BBS7: variants seen among roughly 807,000 people sequenced by gnomAD.
BBS7 encodes BBSome complex member BBS7.
In BBS7, 50 loss-of-function variants were observed where a neutral mutation model predicts 90.3. That is an observed-to-expected ratio of 0.55 (90% CI 0.44 to 0.70). The LOEUF is 0.70. Ranked by LOEUF, BBS7 falls within the 30% of genes least tolerant of loss-of-function variation. The pLI, the probability that BBS7 is intolerant of heterozygous loss-of-function variation, is 0.00. For missense variants in BBS7, 729 were observed against 838.9 expected, an observed-to-expected ratio of 0.87 and a Z score of 1.62; for synonymous variants, 235 against 287.4, an observed-to-expected ratio of 0.82 and a Z score of 1.85.
At chr4:121,838,862 T>TC (rs1199422654) in intron 13 of BBS7, among the ~76,000 whole-genome samples, 1 of 146,630 alleles carries the variant, frequency 6.8e-6, no homozygotes, top group African/African-American at 2.6e-5. Context: ...GCCACTGCAC[T>TC]CCAGCCTGGG....
intron 8 of BBS7, among the ~76,000 whole-genome samples, chr4:121,852,751 G>A (rs1578555342): frequency 6.6e-6 from 1 of 152,064 alleles, no homozygotes; most frequent in South Asian, 2.1e-4. Context: ...TAATGAAAAA[G>A]TAATTTGTTA....
At position 121,852,993 on chromosome 4, in the gene BBS7, A is replaced by G; in HGVS notation, c.812T>C (p.Phe271Ser). The change falls in exon 8 of 19, where the codon TTT becomes TCT. Residue 271 changes from phenylalanine to serine, a missense_variant. Transcript: ENST00000264499. ...TAGAACAGGTTCATTTGCATTATCA[A>G]AACTATACACTTCCACCATTCCGTC... ...RDDGMVEVYS[F>S]DNANEPVLRF... is the part of the protein sequence containing the mutation. 6.2e-7 allele frequency: 1 copy of G among 1,613,810 alleles called. No individual in the cohort carries two copies. Among genetic ancestry groups the G allele is most frequent in the Non-Finnish European group, 8.5e-7 (1 of 1,179,826 alleles).
intron 15 of BBS7, 65 bp downstream of exon 15, chr4:121,833,166 A>G: frequency 2.0e-6 from 3 of 1,506,524 alleles, no homozygotes; most frequent in South Asian, 2.3e-5. Context: ...CCTAACTTAA[A>G]GGAAAACTTA....
intron 2 of BBS7, among the ~76,000 whole-genome samples, chr4:121,865,965 G>T (rs2149092281): frequency 6.6e-6 from 1 of 152,230 alleles, no homozygotes; most frequent in South Asian, 2.1e-4. Context: ...CCATTTTCCT[G>T]ATGATTAATG....
At chr4:121,858,171 T>TAA (rs1726784420) in intron 5 of BBS7, among the ~76,000 whole-genome samples, 1 of 152,176 alleles carries the variant, frequency 6.6e-6, no homozygotes. Context: ...ACTGGATTTT[T>TAA]CCTTTTACAA....
At chr4:121,832,044 AAAAC>A (rs772511895) in intron 15 of BBS7, among the ~76,000 whole-genome samples, 78 of 139,966 alleles carry the variant, frequency 5.6e-4, no homozygotes, top group Middle Eastern at 7.5e-3. Context: ...ACACACACAC[AAAAC>A]AAACAACCTA....
chr4:121,851,158 G>A (rs6813653), intron 8 of BBS7, among the ~76,000 whole-genome samples: 30,537 of 151,880 alleles, frequency 0.2, 3,729 homozygotes, highest in Non-Finnish European at 0.26. Context: ...GTTTATCAGG[G>A]AACTATTAAT....
chr4:121,833,282 G>A lies in BBS7; in HGVS notation c.1625C>T (p.Thr542Ile). Residue 542 changes from threonine (T) to isoleucine (I), a missense_variant, in exon 15 of 19, where the codon ACA becomes ATA. Coordinates refer to ENST00000264499, the MANE Select transcript of BBS7 (RefSeq NM_176824.3). ...PEKPPAGECV[T>I]FYFQNTFLDT... The stretch of plus-strand genomic sequence containing the variant: ...TAGAAAGGTGTTCTGAAAGTAAAAT[G>A]TCACACATTCTCCTGCTGGAGGTTT... 1 of 1,613,960 alleles carries A rather than the reference G, an allele frequency of 6.2e-7. No homozygotes were observed. The highest frequency in any genetic ancestry group is 8.5e-7 in the Non-Finnish European group (1 of 1,179,922).
chr4:121,858,970 G>A (rs771867655), intron 5 of BBS7, 22 bp downstream of exon 5: 2 of 1,606,106 alleles, frequency 1.2e-6, no homozygotes, highest in Admixed American at 3.3e-5. Context: ...TAAAAAATTA[G>A]AAAAATACAA....
chr4:121,849,096 A>G (rs900271720), intron 8 of BBS7, among the ~76,000 whole-genome samples, 168 bp from the exon 9 acceptor site: 2 of 152,160 alleles, frequency 1.3e-5, no homozygotes, highest in Non-Finnish European at 2.9e-5. Context: ...AACAAATGGC[A>G]GGAAACTTCA....
chr4:121,858,814 C>T (rs1560663860), intron 5 of BBS7, 178 bp downstream of exon 5: 2 of 641,352 alleles, frequency 3.1e-6, no homozygotes, highest in Non-Finnish European at 5.1e-6. Context: ...TAAAAACTTA[C>T]AAAACAACAC....
intron 15 of BBS7, among the ~76,000 whole-genome samples, chr4:121,830,434 T>C (rs957301080): frequency 6.6e-6 from 1 of 152,130 alleles, no homozygotes; most frequent in Non-Finnish European, 1.5e-5. Context: ...TTTTTTTTTC[T>C]AGAAAGATAA....
chr4:121,841,538 C>T (rs1175261150), intron 12 of BBS7, among the ~76,000 whole-genome samples: 1 of 152,016 alleles, frequency 6.6e-6, no homozygotes. Flanking sequence ...TGCACTCCAG[C>T]CTGGGTGACA....
chr4:121,860,402 A>G (rs1342556369), intron 4 of BBS7, among the ~76,000 whole-genome samples: 2 of 152,104 alleles, frequency 1.3e-5, no homozygotes, highest in African/African-American at 4.8e-5. Context: ...TTGTTTTCCT[A>G]TAAAACCTTA....
In BBS7 at chr4:121,859,140, T is replaced by C. The variant is rs1395783350; in HGVS notation, c.380A>G (p.Tyr127Cys). The change falls in exon 5 of 19, where the codon TAC becomes TGC. Residue 127 changes from tyrosine (Y) to cysteine (C), a missense_variant. Physicochemically the swap from Tyr to Cys is radical, Grantham distance 194. Coordinates refer to ENST00000264499, the MANE Select transcript of BBS7 (RefSeq NM_176824.3). The stretch of plus-strand genomic sequence containing the variant: ...GCAGTCACAATAATGGTTATAGATG[T>C]AACTTGCACTGAGAAAGAGGTCTGA... Reference protein sequence around the residue: ...SGSDLFLSASYIYNHYCDCKD... With the variant: ...SGSDLFLSASCIYNHYCDCKD... 1.9e-6 allele frequency: 3 copies of C among 1,613,786 alleles called. No homozygotes were observed. The Admixed American group carries it at 5.0e-5, about 27-fold the overall frequency.
In BBS7 at chr4:121,870,296, G is replaced by C. The variant is rs200420622; in HGVS notation, c.18C>G (p.Asn6Lys). Residue 6 changes from asparagine to lysine, a missense_variant, in exon 1 of 19, where the codon AAC becomes AAG. Coordinates refer to ENST00000264499, the MANE Select transcript of BBS7 (RefSeq NM_176824.3). MDLIL[N>K]RMDYLQVGVT... ...GGTTTACCTGCAGATAATCCATTCG[G>C]TTTAAAATCAGATCCATGATGACTA... The C allele has an allele frequency of 6.2e-7, 1 of 1,614,164 alleles. No individual in the cohort carries two copies. Among genetic ancestry groups the C allele is most frequent in the South Asian group, 1.1e-5 (1 of 91,092 alleles).
At chr4:121,855,240 C>T (rs937665731) in intron 6 of BBS7, among the ~76,000 whole-genome samples, 2 of 151,932 alleles carry the variant, frequency 1.3e-5, no homozygotes, top group African/African-American at 2.4e-5. Context: ...CCTGGGAGGT[C>T]GAGGCCGTGG....
At chr4:121,853,760 A>C (rs540056869) in intron 7 of BBS7, among the ~76,000 whole-genome samples, 1 of 150,828 alleles carries the variant, frequency 6.6e-6, no homozygotes, top group African/African-American at 2.4e-5. Context: ...TTAGTAAATT[A>C]AGTGTCACAC....
In BBS7 at chr4:121,825,989, C is replaced by A; in HGVS notation, c.2019G>T (p.Met673Ile). The change falls in exon 19 of 19, where the codon ATG becomes ATT. Residue 673 changes from methionine (M) to isoleucine (I), a missense_variant. Coordinates refer to ENST00000264499, the MANE Select transcript of BBS7 (RefSeq NM_176824.3). ...QPAHLERLYGMITDLFIDKFK... is the reference protein window; with the variant it reads ...QPAHLERLYGIITDLFIDKFK... ...ATTTATCTATGAAAAGATCAGTGATCATGCCTTTAAAGAAAAAACATAAAT... is the reference window on the plus strand; with the variant it reads ...ATTTATCTATGAAAAGATCAGTGATAATGCCTTTAAAGAAAAAACATAAAT... 1 of 1,596,244 alleles carries A rather than the reference C, an allele frequency of 6.3e-7. No homozygotes were observed. The highest frequency in any genetic ancestry group is 8.6e-7 in the Non-Finnish European group (1 of 1,165,596).
Sources: allele counts gnomAD v4.1 joint callset (sites outside exome capture counted in the v4.1 genomes callset), GRCh38; gene constraint gnomAD v4.1.1; transcripts MANE v1.5; gene names NCBI Gene and HGNC (gene_info 2026-07-23, HGNC 2026-07-21).